LAMB3: variants seen among roughly 807,000 people sequenced by gnomAD.
LAMB3 encodes laminin subunit beta 3.
LAMB3 carries 104 observed loss-of-function variants against 140.3 expected under a neutral mutation model. The observed-to-expected ratio is 0.74, with a 90% confidence interval of 0.63 to 0.87. The LOEUF is 0.87. Among genes scored for constraint, LAMB3 ranks in the 40% least tolerant of loss-of-function variants. The pLI, the probability that LAMB3 is intolerant of heterozygous loss-of-function variation, is 0.00. For synonymous variants in LAMB3, 592 were observed against 602.9 expected, an observed-to-expected ratio of 0.98 and a Z score of 0.26; for missense variants, 1,531 against 1,575.2, an observed-to-expected ratio of 0.97 and a Z score of 0.47.
rs202203781 is a variant in LAMB3, at chr1:209,617,885, G to A, written c.3051+22C>T. The A allele has an allele frequency of 5.6e-4, 899 of 1,614,084 alleles. 10 individuals are homozygous for A. The South Asian group carries it at 7.1e-3, about 13-fold the overall frequency. On this transcript the variant is annotated intron_variant, in intron 20 of 22. Coordinates refer to ENST00000356082, the MANE Select transcript of LAMB3 (RefSeq NM_000228.3). ...TTCCTGTTTATGCCCAAATATGGGCGGAGGAAGCCATAATGCCTCACCTCA... is the reference window on the plus strand; with the variant it reads ...TTCCTGTTTATGCCCAAATATGGGCAGAGGAAGCCATAATGCCTCACCTCA...
At position 209,627,380 on chromosome 1, in the gene LAMB3, T is replaced by C. The variant is rs759317313; in HGVS notation, c.1485+3A>G. 6.2e-7 allele frequency: 1 copy of C among 1,610,490 alleles called. No individual in the cohort carries two copies. The highest frequency in any genetic ancestry group is 1.1e-5 in the South Asian group (1 of 91,024). ...GGGCCCCCGGACCACCCTCACTTCG[T>C]ACCTGGTTGCACTGTGGGCTGAGGG... On this transcript the variant is annotated splice_donor_region_variant and intron_variant, in intron 12 of 22. Transcript: ENST00000356082.
intron 18 of LAMB3, among the ~76,000 whole-genome samples, chr1:209,619,078 C>G (rs1666098802): frequency 6.6e-6 from 1 of 152,248 alleles, no homozygotes; most frequent in Non-Finnish European, 1.5e-5. Context: ...CCCTTCCCTG[C>G]ATTCCCCCTC....
At chr1:209,636,900 A>G (rs957277845) in intron 5 of LAMB3, among the ~76,000 whole-genome samples, 4 of 152,142 alleles carry the variant, frequency 2.6e-5, no homozygotes, top group African/African-American at 9.7e-5. Context: ...TGACTTCCCC[A>G]CGTATGGTGA....
chr1:209,632,529 T>A (rs1666725835), intron 8 of LAMB3, 54 bp downstream of exon 8: 13 of 1,427,464 alleles, frequency 9.1e-6, no homozygotes, highest in Non-Finnish European at 1.3e-5. Context: ...AGAATGTCTG[T>A]AGTCTGCCCT....
At chr1:209,650,530 G>A (rs983808079) in intron 2 of LAMB3, among the ~76,000 whole-genome samples, 19 of 152,198 alleles carry the variant, frequency 1.2e-4, no homozygotes, top group African/African-American at 4.3e-4. Flanking sequence ...CATTTATTCT[G>A]CTCCTTTATC....
At position 209,649,771 on chromosome 1, in the gene LAMB3, T is replaced by A. The variant is rs914641089; in HGVS notation, c.183+193A>T. On this transcript the variant is annotated intron_variant, in intron 3 of 22. Transcript: ENST00000356082. ...GCTATTTAGTTAATTCTGAGTACAT[T>A]TCCTCTTGCCCAACCAACAGGTAAA... 8.5e-5 allele frequency among the ~76,000 whole-genome samples: 13 copies of A among 152,202 alleles called. No homozygotes were observed. The South Asian group carries it at 2.5e-3, about 29-fold the overall frequency.
chr1:209,641,136 T>A (rs1232689994), intron 3 of LAMB3, among the ~76,000 whole-genome samples: 10 of 145,072 alleles, frequency 6.9e-5, no homozygotes, highest in African/African-American at 2.5e-4. Flanking sequence ...ACCTAGCACA[T>A]AATACACCCT....
intron 11 of LAMB3, among the ~76,000 whole-genome samples, 192 bp from the exon 12 acceptor site, chr1:209,627,771 C>G (rs1288453388): frequency 6.6e-6 from 1 of 152,236 alleles, no homozygotes; most frequent in Non-Finnish European, 1.5e-5. Context: ...CAGCCGCCTG[C>G]CTGCCCACCC....
chr1:209,626,145 G>A, intron 13 of LAMB3, 119 bp from the exon 14 acceptor site: 1 of 1,109,900 alleles, frequency 9.0e-7, no homozygotes, highest in South Asian at 1.6e-5. Context: ...TAGAATAACA[G>A]AAGTCGCAGC....
At position 209,618,505 on chromosome 1, in the gene LAMB3, G is replaced by T; in HGVS notation, c.2856C>A (p.Thr952=). The T allele has an allele frequency of 6.2e-7, 1 of 1,614,224 alleles. No individual in the cohort carries two copies. The highest frequency in any genetic ancestry group is 8.5e-7 in the Non-Finnish European group (1 of 1,180,046). ...GGCGGGCACGCGCAATGTCCTGCTT[G>T]GTCTGGGACAGCACCAAGTCCACGT... ...LPNVDLVLSQ[T]KQDIARARRL... The change falls in exon 19 of 23, where the codon ACC becomes ACA. Residue 952 remains threonine (T), a synonymous_variant. Transcript: ENST00000356082.
chr1:209,617,127 C>T (rs937211774), intron 21 of LAMB3, among the ~76,000 whole-genome samples: 1 of 152,160 alleles, frequency 6.6e-6, no homozygotes, highest in African/African-American at 2.4e-5. Flanking sequence ...AGGGGACCTG[C>T]TTTGTAGATG....
chr1:209,646,918 C>T (rs1400287298), intron 3 of LAMB3, among the ~76,000 whole-genome samples: 1 of 152,218 alleles, frequency 6.6e-6, no homozygotes, highest in African/African-American at 2.4e-5. Context: ...CATTTTCATC[C>T]ATGCCTTGAG....
chr1:209,618,551 G>A lies in LAMB3; in HGVS notation c.2810C>T (p.Ala937Val). The A allele has an allele frequency of 6.2e-7, 1 of 1,614,246 alleles. No homozygotes were observed. The highest frequency in any genetic ancestry group is 8.5e-7 in the Non-Finnish European group (1 of 1,180,042). The change falls in exon 19 of 23, where the codon GCC (alanine) becomes GTC (valine). Residue 937 changes from alanine to valine, a missense_variant. Transcript: ENST00000356082. Reference sequence around the variant, plus strand: ...CACGTTGGGGAGCCTGGCTGCAATGGCCTGGATCTCATTCATCTTCTGCAG... The same window carrying A: ...CACGTTGGGGAGCCTGGCTGCAATGACCTGGATCTCATTCATCTTCTGCAG... ...TVLQKMNEIQ[A>V]IAARLPNVDL... is the part of the protein sequence containing the mutation.
intron 3 of LAMB3, among the ~76,000 whole-genome samples, chr1:209,642,540 C>T (rs989843841): frequency 2.6e-5 from 4 of 152,146 alleles, no homozygotes; most frequent in African/African-American, 9.7e-5. Flanking sequence ...TGCAGTGCCG[C>T]GATCTCTGCT....
rs1176667376 is a variant in LAMB3 at position 209,614,987 on chromosome 1, A to C, written c.*284T>G. On this transcript the variant is annotated 3_prime_UTR_variant, in exon 23 of 23. Transcript: ENST00000356082. ...CAGGATTCCTCCCCAGTGGAGAACT[A>C]AAGGCGGGGGATACTGCCCAGCCCA... is the stretch of plus-strand genomic sequence containing the variant. The C allele has an allele frequency of 2.4e-6, 1 of 413,970 alleles. No individual in the cohort carries two copies. Among genetic ancestry groups the C allele is most frequent in the East Asian group, 4.1e-5 (1 of 24,414 alleles). 25.6% of individuals were successfully genotyped at this position (413,970 alleles called of 1,614,324 possible). A position where few individuals can be genotyped will look rare whatever the true frequency, so the allele number is the denominator to read the frequency against.
chr1:209,632,081 G>T (rs919876184), intron 8 of LAMB3, among the ~76,000 whole-genome samples: 8 of 152,138 alleles, frequency 5.3e-5, no homozygotes, highest in South Asian at 2.1e-4. Flanking sequence ...AAGCCAATCC[G>T]CCTGGTCTAG....
intron 3 of LAMB3, among the ~76,000 whole-genome samples, chr1:209,646,616 G>A (rs567677788): frequency 6.6e-6 from 1 of 152,316 alleles, no homozygotes; most frequent in South Asian, 2.1e-4. Flanking sequence ...GGCAGCCCAG[G>A]GATGGGTGGA....
At position 209,622,636 on chromosome 1, in the gene LAMB3, G is replaced by A. The variant is rs1571803977; in HGVS notation, c.2601C>T (p.Ala867=). ...EESASQIQSS[A]QRLETQVSAS... Reference sequence around the variant, plus strand: ...CGCTCACCTGGGTCTCCAAGCGCTGGGCACTGGATTGAATCTGTGAGGCAG... The same window carrying A: ...CGCTCACCTGGGTCTCCAAGCGCTGAGCACTGGATTGAATCTGTGAGGCAG... The change falls in exon 18 of 23, where the codon GCC becomes GCT. Residue 867 remains alanine, a synonymous_variant. Transcript: ENST00000356082. The A allele has an allele frequency of 6.2e-7, 1 of 1,614,132 alleles. No individual in the cohort carries two copies. Among genetic ancestry groups the A allele is most frequent in the Non-Finnish European group, 8.5e-7 (1 of 1,180,026 alleles).
At chr1:209,633,185 C>T (rs778013973) in intron 6 of LAMB3, 52 bp from the exon 7 acceptor site, 54 of 1,346,058 alleles carry the variant, frequency 4.0e-5, no homozygotes, top group Non-Finnish European at 5.5e-5. Flanking sequence ...ATAGTGTGCC[C>T]CGAGTTCAGA....
Sources: allele counts gnomAD v4.1 joint callset (sites outside exome capture counted in the v4.1 genomes callset), GRCh38; gene constraint gnomAD v4.1.1; transcripts MANE v1.5; gene names NCBI Gene and HGNC (gene_info 2026-07-23, HGNC 2026-07-21).